Variants in CYP4F12 observed in about 807,000 individuals in gnomAD.
CYP4F12 encodes cytochrome P450 family 4 subfamily F member 12.
In CYP4F12, 60 loss-of-function variants were observed where a neutral mutation model predicts 56.5. The observed-to-expected ratio is 1.06, with a 90% CI of 0.86 to 1.32. CYP4F12 has a LOEUF of 1.32. CYP4F12 is among the 40% of genes most tolerant of loss of function. The probability of loss-of-function intolerance (pLI) is 0.00; values close to 1 mark genes in which losing one functional copy is unlikely to be tolerated. For synonymous variants in CYP4F12, 263 were observed against 264.9 expected (o/e 0.99, Z 0.07); for missense variants, 711 against 683.5 (o/e 1.04, Z -0.45).
chr19:15,696,796 C>A, intron 12 of CYP4F12, 112 bp from the exon 13 acceptor site: 1 of 1,381,998 alleles, frequency 7.2e-7, no homozygotes, highest in Non-Finnish European at 9.6e-7. Context: ...GTCTTTCTCT[C>A]TCTCTCTCAG....
rs2144776805 is a variant in CYP4F12 at position 15,697,147 on chromosome 19, C to T, written c.*62C>T. The T allele has an allele frequency of 1.3e-6, 2 of 1,552,756 alleles. No individual in the cohort carries two copies. Among genetic ancestry groups the T allele is most frequent in the Admixed American group, 1.8e-5 (1 of 55,888 alleles). On this transcript the variant is annotated 3_prime_UTR_variant, in exon 13 of 13. Coordinates refer to ENST00000550308, the MANE Select transcript of CYP4F12 (RefSeq NM_023944.4). ...CATGAATAAAACGGTGCTGTCACCT[C>T]TGCCTGGGCCTCACTGACAGCCTGC...
chr19:15,673,217 A>G (rs745990271), intron 1 of CYP4F12, 82 bp downstream of exon 1: 11 of 519,806 alleles, frequency 2.1e-5, no homozygotes, highest in Non-Finnish European at 4.0e-5. Flanking sequence ...TGGCTCCAAG[A>G]TGCTGGCATG....
intron 1 of CYP4F12, 123 bp downstream of exon 1, chr19:15,673,258 C>T (rs1408257991): frequency 1.7e-6 from 1 of 576,478 alleles, no homozygotes; most frequent in Non-Finnish European, 3.2e-6. Context: ...TAACTGGACT[C>T]CTAGCAAACT....
At position 15,673,747 on chromosome 19, in the gene CYP4F12, G is replaced by A; in HGVS notation, c.198+20G>A. On this transcript the variant is annotated intron_variant, in intron 2 of 12. Transcript: ENST00000550308. ...GGCCTGGTGAGTGTGACAGCAAAAT[G>A]TGTCTGGGGTCTCAGGGTGGATGGA... 5.6e-6 allele frequency: 9 copies of A among 1,612,734 alleles called. No individual in the cohort carries two copies. The highest frequency in any genetic ancestry group is 6.8e-6 in the Non-Finnish European group (8 of 1,179,224).
At chr19:15,690,053 A>G (rs1231829592) in intron 9 of CYP4F12, among the ~76,000 whole-genome samples, 3 of 152,242 alleles carry the variant, frequency 2.0e-5, no homozygotes, top group African/African-American at 7.2e-5. Flanking sequence ...TCACCACTAT[A>G]GAAATCATCC....
intron 9 of CYP4F12, among the ~76,000 whole-genome samples, chr19:15,690,781 A>G (rs192168074): frequency 1.3e-5 from 2 of 152,366 alleles, no homozygotes; most frequent in Admixed American, 1.3e-4. Flanking sequence ...CATCACAGAT[A>G]GACAAGGGTT....
rs1305226975 is a variant in CYP4F12 at position 15,697,062 on chromosome 19, C to G, written c.1552C>G (p.Pro518Ala). Residue 518 changes from proline to alanine, a missense_variant, in exon 13 of 13, where the codon CCC becomes GCC. Physicochemically the swap from Pro to Ala is conservative, Grantham distance 27. Transcript: ENST00000550308. ...AEGGLWLRVE[P>A]LNVSLQ Reference sequence around the variant, plus strand: ...GGGCGGGCTTTGGCTGCGGGTGGAGCCCCTGAATGTAAGCTTGCAGTGACT... The same window carrying G: ...GGGCGGGCTTTGGCTGCGGGTGGAGGCCCTGAATGTAAGCTTGCAGTGACT... The G allele has an allele frequency of 2.5e-6, 4 of 1,613,832 alleles. No individual in the cohort carries two copies. The South Asian group carries it at 3.3e-5, about 13-fold the overall frequency.
chr19:15,681,161 C>A (rs921468699), intron 5 of CYP4F12: 4 of 162,096 alleles, frequency 2.5e-5, no homozygotes, highest in Non-Finnish European at 4.1e-5. Context: ...AAAGTTCAAC[C>A]AGGTTTGAGT....
At chr19:15,688,792 A>G (rs1026581714) in intron 9 of CYP4F12, among the ~76,000 whole-genome samples, 1 of 152,262 alleles carries the variant, frequency 6.6e-6, no homozygotes, top group African/African-American at 2.4e-5. Flanking sequence ...AGGAGGACCC[A>G]GAAATAAAGC....
rs1241411797 is a variant in CYP4F12, at chr19:15,695,957, C to T, written c.1137C>T (p.Pro379=). The change falls in exon 10 of 13, where the codon CCC becomes CCT. Residue 379 remains proline (P), a synonymous_variant. Transcript: ENST00000550308. Reference sequence around the variant, plus strand: ...TTAGGGACGACCTGGCCCAGCTGCCCTTCCTGACCATGTGCGTGAAGGAGA... The same window carrying T: ...TTAGGGACGACCTGGCCCAGCTGCCTTTCCTGACCATGTGCGTGAAGGAGA... ...EIEWDDLAQL[P]FLTMCVKESL... The T allele has an allele frequency of 6.2e-7, 1 of 1,613,712 alleles. No individual in the cohort carries two copies. The highest frequency in any genetic ancestry group is 8.5e-7 in the Non-Finnish European group (1 of 1,179,880).
Position 15,680,322 on chromosome 19 carries a change from T to G in CYP4F12, c.397+25T>G, listed in dbSNP as rs2074568. The stretch of plus-strand genomic sequence containing the variant: ...GGTGAGTACCTGCAGGTGAAAGGGG[T>G]TGGGGACAACCTTGCGGGGAGGGTA... On this transcript the variant is annotated intron_variant, in intron 4 of 12. Transcript: ENST00000550308. The G allele has an allele frequency of 1.2e-5, 19 of 1,612,888 alleles. No homozygotes were observed. Among genetic ancestry groups the G allele is most frequent in the Non-Finnish European group, 1.5e-5 (18 of 1,179,420 alleles).
At chr19:15,686,882 C>G (rs1568422249) in intron 9 of CYP4F12, among the ~76,000 whole-genome samples, 1 of 152,144 alleles carries the variant, frequency 6.6e-6, no homozygotes, top group Non-Finnish European at 1.5e-5. Flanking sequence ...CCGTCCAAGC[C>G]TTTGCTCAGC....
chr19:15,692,439 T>C (rs1185758941), intron 9 of CYP4F12, among the ~76,000 whole-genome samples: 2 of 152,200 alleles, frequency 1.3e-5, no homozygotes, highest in Non-Finnish European at 2.9e-5. Flanking sequence ...TTTCATTTGA[T>C]GGTTATTTCT....
At chr19:15,678,660 C>T (rs12462733) in intron 3 of CYP4F12, 406,320 of 441,620 alleles carry the variant, frequency 0.92, 187,059 homozygotes, top group East Asian at 1. Flanking sequence ...CATTTCCAGC[C>T]TCATAGGGTC....
chr19:15,684,939 C>T (rs946390440), intron 8 of CYP4F12, 57 bp downstream of exon 8: 28 of 1,568,912 alleles, frequency 1.8e-5, no homozygotes, highest in African/African-American at 8.1e-5. Context: ...TCTCAGGATC[C>T]GGGTGGGTGG....
intron 9 of CYP4F12, among the ~76,000 whole-genome samples, chr19:15,686,092 A>T (rs1375358649): frequency 6.6e-6 from 1 of 152,210 alleles, no homozygotes; most frequent in Non-Finnish European, 1.5e-5. Flanking sequence ...AGACATTCCC[A>T]GTCCACATAG....
At chr19:15,695,372 AG>A (rs1296284488) in intron 9 of CYP4F12, among the ~76,000 whole-genome samples, 8 of 127,874 alleles carry the variant, frequency 6.3e-5, no homozygotes, top group Admixed American at 4.9e-4. Context: ...GGGAGGGGGA[AG>A]GGATAGCATT....
intron 9 of CYP4F12, among the ~76,000 whole-genome samples, chr19:15,690,807 G>C (rs1206939347): frequency 6.6e-6 from 1 of 152,178 alleles, no homozygotes; most frequent in African/African-American, 2.4e-5. Context: ...TGACATTCCT[G>C]CTATCCCACC....
Position 15,673,614 on chromosome 19 carries a change from T to TG in CYP4F12, c.87dup (p.Leu30AlafsTer14). ...ACTCCTGCTGCTGGTTGTGGGCTCCTGGCTACTCGCCCGCATCCTGGCTTG... is the reference window on the plus strand; with the variant it reads ...ACTCCTGCTGCTGGTTGTGGGCTCCTGGGCTACTCGCCCGCATCCTGGCTTG... On this transcript the variant is annotated frameshift_variant, in exon 2 of 13. Coordinates refer to ENST00000550308, the MANE Select transcript of CYP4F12 (RefSeq NM_023944.4). LOFTEE classifies it high-confidence loss of function. The TG allele has an allele frequency of 6.2e-7, 1 of 1,614,186 alleles. No individual in the cohort carries two copies. Among genetic ancestry groups the TG allele is most frequent in the Non-Finnish European group, 8.5e-7 (1 of 1,180,018 alleles).
Sources: gnomAD v4.1 joint callset for allele counts (sites outside exome capture counted in the v4.1 genomes callset) on GRCh38, gnomAD v4.1.1 for gene constraint, MANE v1.5 for transcripts, NCBI Gene and HGNC (gene_info 2026-07-23, HGNC 2026-07-21) for gene names.